ASCC3: variants seen among roughly 807,000 people sequenced by gnomAD.
ASCC3 encodes activating signal cointegrator 1 complex subunit 3, also known as ASC-1 complex subunit P200.
Under a neutral mutation model 256.3 loss-of-function variants are expected in ASCC3, and 158 were observed. The ratio of observed to expected loss-of-function variants is 0.62; its 90% CI spans 0.54 to 0.70. The LOEUF (loss-of-function observed/expected upper bound fraction) is 0.70. ASCC3 is among the 30% of genes least tolerant of loss of function. The pLI is 0.00. For missense variants in ASCC3, 2,259 were observed against 2,626.0 expected (o/e 0.86, Z 3.05); for synonymous variants, 948 against 883.4 (o/e 1.07, Z -1.30).
Position 100,591,974 on chromosome 6 carries a change from CTTTAT to C in ASCC3, c.5304-1920_5304-1916del, listed in dbSNP as rs1440172576. Among the ~76,000 whole-genome samples, 15 of 151,648 alleles carry C rather than the reference CTTTAT, an allele frequency of 9.9e-5. No homozygotes were observed. In the South Asian group the frequency reaches 2.7e-3, roughly 27 times the overall value. On this transcript the variant is annotated intron_variant, in intron 34 of 41. Transcript: ENST00000369162. The stretch of plus-strand genomic sequence containing the variant: ...TATCTTATTTTATTTACTGTATTTG[CTTTAT>C]TTTGTTTACTGTATTTACAAGGTAT...
chr6:100,865,172 T>C (rs751079190), intron 2 of ASCC3, among the ~76,000 whole-genome samples: 5 of 152,214 alleles, frequency 3.3e-5, no homozygotes, highest in Non-Finnish European at 7.4e-5. Flanking sequence ...ATTAAGTTGT[T>C]ACAATGGAGT....
At chr6:100,766,328 G>T (rs1781653372) in intron 10 of ASCC3, among the ~76,000 whole-genome samples, 1 of 152,020 alleles carries the variant, frequency 6.6e-6, no homozygotes, top group Admixed American at 6.6e-5. Context: ...CATAGACTTG[G>T]AACCTAACCA....
intron 4 of ASCC3, among the ~76,000 whole-genome samples, chr6:100,815,470 T>C (rs1770697088): frequency 1.3e-5 from 2 of 151,920 alleles, no homozygotes; most frequent in Non-Finnish European, 2.9e-5. Flanking sequence ...GGCAATCCTA[T>C]GCAGACAGAA....
At position 100,752,052 on chromosome 6, in the gene ASCC3, GTTTCTGCCTCTTACCCTTAA is replaced by G. The variant is rs1471235262; in HGVS notation, c.1737+14493_1737+14512del. Among the ~76,000 whole-genome samples, 3 of 152,200 alleles carry G rather than the reference GTTTCTGCCTCTTACCCTTAA, an allele frequency of 2.0e-5. No homozygotes were observed. The East Asian group carries it at 5.8e-4, about 29-fold the overall frequency. ...TTTTTTATAGGAGTCCTTGGGAAAT[GTTTCTGCCTCTTACCCTTAA>G]GAACAGCTGTGCTTTTCCAGATCAA... On this transcript the variant is annotated intron_variant, in intron 10 of 41. Transcript: ENST00000369162.
chr6:100,816,684 T>C (rs1770764040), intron 4 of ASCC3, among the ~76,000 whole-genome samples: 1 of 152,084 alleles, frequency 6.6e-6, no homozygotes. Context: ...TTCTCACTTA[T>C]AAGTGGGAGC....
At chr6:100,768,748 T>C (rs1031519693) in intron 8 of ASCC3, among the ~76,000 whole-genome samples, 6 of 152,100 alleles carry the variant, frequency 3.9e-5, no homozygotes, top group Non-Finnish European at 5.9e-5. Flanking sequence ...CACTTATTCA[T>C]CTAATAATAG....
intron 36 of ASCC3, among the ~76,000 whole-genome samples, chr6:100,583,241 T>TTGCCAC (rs1771419226): frequency 6.6e-6 from 1 of 152,214 alleles, no homozygotes; most frequent in African/African-American, 2.4e-5. Context: ...TGGTAAGCTA[T>TTGCCAC]TGATTATTGC....
chr6:100,835,065 C>T (rs17061168), intron 4 of ASCC3, among the ~76,000 whole-genome samples: 1 of 151,488 alleles, frequency 6.6e-6, no homozygotes, highest in Non-Finnish European at 1.5e-5. Context: ...TCAGTGCCTA[C>T]CCAATAAGCC....
intron 22 of ASCC3, among the ~76,000 whole-genome samples, chr6:100,646,015 AATTT>A (rs1775362279): frequency 6.6e-6 from 1 of 152,162 alleles, no homozygotes; most frequent in Non-Finnish European, 1.5e-5. Context: ...AAAGAATATT[AATTT>A]AAGAGACATC....
intron 26 of ASCC3, 48 bp from the exon 27 acceptor site, chr6:100,629,229 T>A (rs1194352694): frequency 8.3e-6 from 13 of 1,574,148 alleles, no homozygotes; most frequent in Non-Finnish European, 1.1e-5. Context: ...AGGTAACAAA[T>A]GACCTTGGAA....
intron 1 of ASCC3, among the ~76,000 whole-genome samples, chr6:100,876,986 A>G (rs1774031428): frequency 2.0e-5 from 3 of 152,204 alleles, no homozygotes; most frequent in Admixed American, 2.0e-4. Context: ...ATAATCAGTG[A>G]GCTAGAATTC....
In ASCC3 at chr6:100,718,195, G is replaced by T; in HGVS notation, c.1959C>A (p.Asn653Lys). The T allele has an allele frequency of 6.2e-7, 1 of 1,613,394 alleles. No individual in the cohort carries two copies. Among genetic ancestry groups the T allele is most frequent in the Non-Finnish European group, 8.5e-7 (1 of 1,179,482 alleles). ...GTAAAAATGTGGCAACATCGAGGTA[G>T]TTAGGTAAAGTTGCAGACAGTCCGA... ...RILGLSATLP[N>K]YLDVATFLHV... Residue 653 changes from asparagine (N) to lysine (K), a missense_variant, in exon 12 of 42, where the codon AAC becomes AAA. Asn to Lys is a moderately conservative substitution (Grantham distance 94). Transcript: ENST00000369162.
At chr6:100,546,051 G>T (rs1775705092) in intron 36 of ASCC3, among the ~76,000 whole-genome samples, 1 of 152,042 alleles carries the variant, frequency 6.6e-6, no homozygotes, top group Non-Finnish European at 1.5e-5. Flanking sequence ...AAATAAGTTT[G>T]GCAAGGGTGT....
chr6:100,748,848 C>T lies in ASCC3; in HGVS notation c.1737+17717G>A, dbSNP rs74850220. ...ACCTGGAGCGCCAAGAAGTGGATAACCCATAGACCATTCAATGAGTAAGTC... is the reference window on the plus strand; with the variant it reads ...ACCTGGAGCGCCAAGAAGTGGATAATCCATAGACCATTCAATGAGTAAGTC... On this transcript the variant is annotated intron_variant, in intron 10 of 41. Coordinates refer to ENST00000369162, the MANE Select transcript of ASCC3 (RefSeq NM_006828.4). Among the ~76,000 whole-genome samples the T allele has an allele frequency of 1.5e-3, 221 of 152,052 alleles. 1 individual carries two copies. The highest frequency in any genetic ancestry group is 5.2e-3 in the African/African-American group (215 of 41,516).
At chr6:100,831,336 G>A (rs1582931514) in intron 4 of ASCC3, among the ~76,000 whole-genome samples, 1 of 147,194 alleles carries the variant, frequency 6.8e-6, no homozygotes, top group African/African-American at 2.6e-5. Flanking sequence ...AAAAAAAAAA[G>A]GAAAAAAAAC....
At chr6:100,842,814 T>A (rs1376905158) in intron 4 of ASCC3, among the ~76,000 whole-genome samples, 3 of 152,112 alleles carry the variant, frequency 2.0e-5, no homozygotes, top group African/African-American at 7.2e-5. Flanking sequence ...CTACAAAACA[T>A]TCTTTAAAAA....
At chr6:100,743,739 C>G (rs6939466) in intron 10 of ASCC3, among the ~76,000 whole-genome samples, 147,897 of 152,282 alleles carry the variant, frequency 0.97, 71,955 homozygotes, top group East Asian at 1. Context: ...ATATCTTTCA[C>G]TCATGCATTT....
intron 1 of ASCC3, among the ~76,000 whole-genome samples, chr6:100,875,030 A>G (rs960551979): frequency 1.8e-4 from 28 of 152,358 alleles, no homozygotes; most frequent in African/African-American, 6.5e-4. Context: ...AATCAGAATC[A>G]CTGAAAAAAT....
chr6:100,697,617 A>T (rs1361250042), intron 13 of ASCC3, among the ~76,000 whole-genome samples: 2 of 152,046 alleles, frequency 1.3e-5, no homozygotes, highest in African/African-American at 2.4e-5. Flanking sequence ...AAAATTATGC[A>T]CAGTATTTTC....
Sources: gnomAD v4.1 joint callset for allele counts (sites outside exome capture counted in the v4.1 genomes callset) on GRCh38, gnomAD v4.1.1 for gene constraint, MANE v1.5 for transcripts, NCBI Gene and HGNC (gene_info 2026-07-23, HGNC 2026-07-21) for gene names.